ABCB11: variants seen among roughly 807,000 people sequenced by gnomAD.
ABCB11 encodes ATP binding cassette subfamily B member 11.
In ABCB11, 95 loss-of-function variants were observed where a neutral mutation model predicts 148.0. The observed-to-expected ratio is 0.64, with a 90% CI of 0.54 to 0.76. The LOEUF (loss-of-function observed/expected upper bound fraction) is 0.76. Ranked by LOEUF, ABCB11 falls within the 30% of genes least tolerant of loss-of-function variation. The pLI is 0.00. For missense variants in ABCB11, 1,523 were observed against 1,617.8 expected, an observed-to-expected ratio of 0.94 and a Z score of 1.01; for synonymous variants, 591 against 555.4, an observed-to-expected ratio of 1.06 and a Z score of -0.90.
intron 1 of ABCB11, among the ~76,000 whole-genome samples, chr2:169,029,882 A>G (rs13015444): frequency 0.34 from 47,533 of 141,286 alleles, 9,576 homozygotes; most frequent in Admixed American, 0.48. Context: ...CTGGGACTAC[A>G]GGCGCCCGCC....
downstream of ABCB11, among the ~76,000 whole-genome samples, chr2:168,915,408 C>T (rs1302640496): frequency 1.3e-5 from 2 of 152,190 alleles, no homozygotes; most frequent in Non-Finnish European, 2.9e-5. Flanking sequence ...TTTATACTTA[C>T]ATTTCAGGAT....
chr2:169,026,368 T>C (rs755046942), intron 1 of ABCB11, among the ~76,000 whole-genome samples: 9 of 152,220 alleles, frequency 5.9e-5, no homozygotes, highest in Non-Finnish European at 1.2e-4. Flanking sequence ...GCTAAAGGCA[T>C]GCACTGGTTG....
intron 21 of ABCB11, among the ~76,000 whole-genome samples, chr2:168,941,448 T>C (rs1352395362): frequency 6.6e-6 from 1 of 152,020 alleles, no homozygotes; most frequent in African/African-American, 2.4e-5. Context: ...TAACTGCAGA[T>C]GTCATGAAAA....
In ABCB11 at chr2:168,970,113, G is replaced by C. The variant is rs758569602; in HGVS notation, c.1741C>G (p.Leu581Val). The C allele has an allele frequency of 8.7e-6, 14 of 1,612,984 alleles. No homozygotes were observed. The Admixed American group carries it at 2.3e-4, about 27-fold the overall frequency. ...RALIRNPKIL[L>V]LDMATSALDN... ...AGAGCTGAGGTGGCCATGTCCAAAA[G>C]CAGAATCTTGGGATTTCGGATGAGG... The change falls in exon 15 of 28, where the codon CTT (leucine) becomes GTT (valine). Residue 581 changes from leucine (L) to valine (V), a missense_variant. By Grantham distance (32) the Leu-to-Val change is conservative. Coordinates refer to ENST00000650372, the MANE Select transcript of ABCB11 (RefSeq NM_003742.4).
intron 14 of ABCB11, chr2:168,970,476 T>G: frequency 1.1e-6 from 1 of 938,180 alleles, no homozygotes; most frequent in Non-Finnish European, 1.5e-6. Context: ...CAACTTCAAA[T>G]AAGATTTTTC....
chr2:168,996,255 A>G (rs1009456696), intron 6 of ABCB11, among the ~76,000 whole-genome samples: 1 of 152,008 alleles, frequency 6.6e-6, no homozygotes, highest in African/African-American at 2.4e-5. Context: ...AGACTTTAGC[A>G]ATGCGAGAAA....
intron 5 of ABCB11, among the ~76,000 whole-genome samples, chr2:169,010,385 C>G (rs991827894): frequency 1.3e-5 from 2 of 152,130 alleles, no homozygotes; most frequent in Non-Finnish European, 2.9e-5. Flanking sequence ...TAATCCTTAT[C>G]AGTGTAATTC....
In ABCB11 at chr2:168,973,779, C is replaced by G; in HGVS notation, c.1370G>C (p.Ser457Thr). ...CAGTGCTGTACTTTTTCCAGCTCCACTGGGTCCTACCAGAGCTGTCATTTC... is the reference window on the plus strand; with the variant it reads ...CAGTGCTGTACTTTTTCCAGCTCCAGTGGGTCCTACCAGAGCTGTCATTTC... ...PGEMTALVGP[S>T]GAGKSTALQL... is the part of the protein sequence containing the mutation. Residue 457 changes from serine to threonine, a missense_variant, in exon 13 of 28, where the codon AGT (serine) becomes ACT (threonine). Coordinates refer to ENST00000650372, the MANE Select transcript of ABCB11 (RefSeq NM_003742.4). The G allele has an allele frequency of 1.2e-6, 2 of 1,612,276 alleles. No homozygotes were observed. Among genetic ancestry groups the G allele is most frequent in the Non-Finnish European group, 1.7e-6 (2 of 1,178,692 alleles).
chr2:168,980,938 C>G (rs567825498), intron 10 of ABCB11, among the ~76,000 whole-genome samples: 1 of 152,300 alleles, frequency 6.6e-6, no homozygotes, highest in South Asian at 2.1e-4. Flanking sequence ...CTCCTCCTCT[C>G]TACCCTGTCA....
intron 1 of ABCB11, among the ~76,000 whole-genome samples, chr2:169,027,293 T>G (rs572407334): frequency 4.9e-4 from 74 of 152,344 alleles, no homozygotes; most frequent in Non-Finnish European, 8.4e-4. Context: ...TGGCAGACTT[T>G]GGACACCTAA....
chr2:169,002,041 G>T (rs191685410), intron 5 of ABCB11, among the ~76,000 whole-genome samples: 1 of 152,222 alleles, frequency 6.6e-6, no homozygotes, highest in East Asian at 1.9e-4. Flanking sequence ...TAGATCCAAA[G>T]ATACAAACAG....
intron 5 of ABCB11, among the ~76,000 whole-genome samples, chr2:169,003,978 C>G (rs564465862): frequency 6.6e-6 from 1 of 152,146 alleles, no homozygotes; most frequent in South Asian, 2.1e-4. Flanking sequence ...AAAAATAGGA[C>G]CCCAATCCCT....
chr2:168,954,020 T>G (rs1235899736), intron 19 of ABCB11, among the ~76,000 whole-genome samples: 2 of 151,662 alleles, frequency 1.3e-5, no homozygotes, highest in Non-Finnish European at 3.0e-5. Context: ...CTGACTGCCT[T>G]GGGCACATGT....
chr2:168,982,242 A>G (rs1694157243), intron 10 of ABCB11, among the ~76,000 whole-genome samples: 1 of 152,168 alleles, frequency 6.6e-6, no homozygotes, highest in South Asian at 2.1e-4. Flanking sequence ...GTTAATAGGT[A>G]GGCCTCAAAG....
At chr2:168,925,177 G>A (rs72884890) in intron 26 of ABCB11, among the ~76,000 whole-genome samples, 4 of 152,288 alleles carry the variant, frequency 2.6e-5, no homozygotes, top group Non-Finnish European at 5.9e-5. Context: ...CTAATCCCAA[G>A]AATGGAAATG....
intron 9 of ABCB11, among the ~76,000 whole-genome samples, chr2:168,989,907 A>T (rs1165266765): frequency 2.0e-5 from 3 of 152,146 alleles, no homozygotes; most frequent in Non-Finnish European, 4.4e-5. Context: ...GTGGTATATT[A>T]CATTTATTGA....
chr2:168,975,008 T>C (rs1441293562), intron 12 of ABCB11, among the ~76,000 whole-genome samples: 1 of 146,164 alleles, frequency 6.8e-6, no homozygotes, highest in Non-Finnish European at 1.5e-5. Context: ...TATATATTTA[T>C]AGATATATTT....
At chr2:168,988,465 T>C (rs576642622) in intron 9 of ABCB11, among the ~76,000 whole-genome samples, 2 of 152,300 alleles carry the variant, frequency 1.3e-5, no homozygotes, top group Admixed American at 1.3e-4. Context: ...TAGTATTCTA[T>C]TGAATATGGC....
chr2:169,020,575 T>C (rs7578587), intron 1 of ABCB11, among the ~76,000 whole-genome samples: 7,267 of 152,244 alleles, frequency 0.048, 574 homozygotes, highest in African/African-American at 0.17. Context: ...TACTGATACA[T>C]GCTACACAGA....
Sources: allele counts gnomAD v4.1 joint callset (sites outside exome capture counted in the v4.1 genomes callset), GRCh38; gene constraint gnomAD v4.1.1; transcripts MANE v1.5; gene names NCBI Gene and HGNC (gene_info 2026-07-23, HGNC 2026-07-21).